Variants in ISL2 observed in about 807,000 individuals in gnomAD.
ISL2 encodes insulin gene enhancer protein ISL-2.
A neutral mutation model predicts 34.6 loss-of-function variants in ISL2; 17 were observed. The observed-to-expected ratio is 0.49, with a 90% CI of 0.34 to 0.74. The LOEUF is 0.74. ISL2 is among the 30% of genes least tolerant of loss of function. The probability of loss-of-function intolerance (pLI) is 0.01; values close to 1 mark genes in which losing one functional copy is unlikely to be tolerated. For missense variants in ISL2, 469 were observed against 515.2 expected, an observed-to-expected ratio of 0.91 and a Z score of 0.87; for synonymous variants, 232 against 225.5, an observed-to-expected ratio of 1.03 and a Z score of -0.26.
rs1286478743 is a variant in ISL2, at chr15:76,341,969, A to G, written c.*134A>G. Reference sequence around the variant, plus strand: ...TATTGTTATTTATGAGAGAGTACCGAGAGACACGGTCTGGACAGCCCAAGG... The same window carrying G: ...TATTGTTATTTATGAGAGAGTACCGGGAGACACGGTCTGGACAGCCCAAGG... On this transcript the variant is annotated 3_prime_UTR_variant, in exon 6 of 6. Transcript: ENST00000290759. 5 of 681,444 alleles carry G rather than the reference A, an allele frequency of 7.3e-6. No homozygotes were observed. Among genetic ancestry groups the G allele is most frequent in the East Asian group, 5.3e-5 (2 of 37,446 alleles). The allele number at this position is 681,444 out of a possible 1,614,324, so 42.2% of individuals were successfully genotyped here.
chr15:76,340,555 A>G lies in ISL2; in HGVS notation c.791A>G (p.Lys264Arg), dbSNP rs2141583531. Residue 264 changes from lysine to arginine, a missense_variant, in exon 4 of 6, where the codon AAG becomes AGG. Around this residue, in one of 3 missense-constraint regions of ISL2, gnomAD observed 169 missense variants for 154.2 expected, o/e 1.10. Transcript: ENST00000290759. ...CTGCAGCAGCAGCAGCACAGCGACA[A>G]GACGGTGAGCAGCCGCTGGGCCGGA... ...KQLQQQQHSD[K>R]TSLQGLTGTP... is the part of the protein sequence containing the mutation. 6.2e-7 allele frequency: 1 copy of G among 1,604,740 alleles called. No individual in the cohort carries two copies. Among genetic ancestry groups the G allele is most frequent in the Non-Finnish European group, 8.5e-7 (1 of 1,173,472 alleles).
chr15:76,339,615 G>A (rs955618864), intron 3 of ISL2: 3 of 985,494 alleles, frequency 3.0e-6, no homozygotes, highest in East Asian at 1.1e-4. Flanking sequence ...CACCTTGGTC[G>A]GTGGGAGGCC....
At chr15:76,341,420 G>T (rs1481426722) in intron 5 of ISL2, 119 bp downstream of exon 5, 4 of 967,106 alleles carry the variant, frequency 4.1e-6, no homozygotes, top group Admixed American at 2.8e-5. Context: ...ACAGCCCTAG[G>T]CGGTGGGGGA....
rs963964640 is a variant in ISL2 at position 76,340,244 on chromosome 15, C to G, written c.512-32C>G. 14 of 1,526,614 alleles carry G rather than the reference C, an allele frequency of 9.2e-6. No homozygotes were observed. The African/African-American group carries it at 1.8e-4, about 19-fold the overall frequency. The allele number at this position is 1,526,614 out of a possible 1,614,324, so 94.6% of individuals were successfully genotyped here. On this transcript the variant is annotated intron_variant, in intron 3 of 5. Transcript: ENST00000290759. ...TCGGGGCGGGTGGGTGGCGGCCCCT[C>G]GCTAACCTCTGGCCTCACCCTGTCC...
Position 76,337,783 on chromosome 15 carries a change from C to T in ISL2, c.64C>T (p.Pro22Ser). The T allele has an allele frequency of 6.3e-7, 1 of 1,590,078 alleles. No homozygotes were observed. Among genetic ancestry groups the T allele is most frequent in the Non-Finnish European group, 8.6e-7 (1 of 1,165,986 alleles). The change falls in exon 2 of 6, where the codon CCC becomes TCC. Residue 22 changes from proline to serine, a missense_variant. Physicochemically the swap from Pro to Ser is moderately conservative, Grantham distance 74 (BLOSUM62 -1). Transcript: ENST00000290759. ...GAMGDHSKKK[P>S]GTAMCVGCGS... ...CCCGCGCCCTTCCCCGGCAGAGAAG[C>T]CCGGGACGGCCATGTGCGTGGGCTG...
At chr15:76,339,806 C>T (rs1167721544) in intron 3 of ISL2, 3 of 996,476 alleles carry the variant, frequency 3.0e-6, no homozygotes, top group African/African-American at 1.7e-5. Context: ...CGTAGGCCCC[C>T]GGCATATTCG....
intron 3 of ISL2, chr15:76,339,518 C>T (rs2040177624): frequency 1.0e-6 from 1 of 985,480 alleles, no homozygotes; most frequent in Non-Finnish European, 1.2e-6. Context: ...TTTCGGGCTT[C>T]AGGGTGCAGG....
Position 76,338,270 on chromosome 15 carries a change from C to T in ISL2, c.267C>T (p.Cys89=). ...CCCGCAGGCTGTTCGGCATCAAGTG[C>T]GCCAAGTGCCAGGTGGGCTTCAGCA... ...RDYVRLFGIK[C]AKCQVGFSSS... is the part of the protein sequence containing the mutation. The change falls in exon 3 of 6, where the codon TGC becomes TGT. Residue 89 remains cysteine (C), a synonymous_variant. Coordinates refer to ENST00000290759, the MANE Select transcript of ISL2 (RefSeq NM_145805.3). 1.3e-6 allele frequency: 2 copies of T among 1,574,942 alleles called. No homozygotes were observed. The highest frequency in any genetic ancestry group is 1.7e-6 in the Non-Finnish European group (2 of 1,166,214).
chr15:76,338,474 C>A lies in ISL2; in HGVS notation c.471C>A (p.Ser157Arg), dbSNP rs771050160. 94 of 1,313,232 alleles carry A rather than the reference C, an allele frequency of 7.2e-5. No homozygotes were observed. Among genetic ancestry groups the A allele is most frequent in the Non-Finnish European group, 8.9e-5 (93 of 1,040,056 alleles). The allele number at this position is 1,313,232 out of a possible 1,614,324, so 81.3% of individuals were successfully genotyped here. The change falls in exon 3 of 6, where the codon AGC becomes AGA. Residue 157 changes from serine (S) to arginine (R), a missense_variant. By Grantham distance (110) the Ser-to-Arg change is moderately radical (BLOSUM62 -1). Coordinates refer to ENST00000290759, the MANE Select transcript of ISL2 (RefSeq NM_145805.3). ...LERAAAGSPR[S>R]PGPLPGARGL... is the part of the protein sequence containing the mutation. ...GCGCCGCGGCCGGCAGCCCGCGCAGCCCCGGCCCGCTTCCCGGCGCCCGCG... is the reference window on the plus strand; with the variant it reads ...GCGCCGCGGCCGGCAGCCCGCGCAGACCCGGCCCGCTTCCCGGCGCCCGCG...
chr15:76,341,586 C>T (rs1369058923), intron 5 of ISL2, 133 bp from the exon 6 acceptor site: 2 of 755,114 alleles, frequency 2.6e-6, no homozygotes, highest in South Asian at 1.6e-5. Flanking sequence ...GACCTGGCCT[C>T]CTTCTCCGCA....
Position 76,336,811 on chromosome 15 carries a change from G to C in ISL2, c.-73G>C. The C allele has an allele frequency of 1.5e-6, 2 of 1,356,630 alleles. No individual in the cohort carries two copies. The highest frequency in any genetic ancestry group is 2.1e-6 in the Non-Finnish European group (2 of 946,838). The allele number at this position is 1,356,630 out of a possible 1,614,324, so 84.0% of individuals were successfully genotyped here. A position where few individuals can be genotyped will look rare whatever the true frequency, so the allele number is the denominator to read the frequency against. ...GGGGCAGTAGGAGTTAGTTAGCAAA[G>C]AGCCGAGGCCGGGCGCGCGACCCTC... is the stretch of plus-strand genomic sequence containing the variant. On this transcript the variant is annotated 5_prime_UTR_variant, in exon 1 of 6. Coordinates refer to ENST00000290759, the MANE Select transcript of ISL2 (RefSeq NM_145805.3).
At position 76,342,195 on chromosome 15, in the gene ISL2, C is replaced by G. The variant is rs555519998; in HGVS notation, c.*360C>G. 3 of 187,408 alleles carry G rather than the reference C, an allele frequency of 1.6e-5. No homozygotes were observed. Among genetic ancestry groups the G allele is most frequent in the African/African-American group, 4.7e-5 (2 of 42,950 alleles). 11.6% of individuals were successfully genotyped at this position (187,408 alleles called of 1,614,324 possible). A position where few individuals can be genotyped will look rare whatever the true frequency, so the allele number is the denominator to read the frequency against. ...GAGCTCGCCCACGCGGACCCCCGCC[C>G]TGCCCCAGCTCAGCGCTCCCTGGCG... On this transcript the variant is annotated 3_prime_UTR_variant, in exon 6 of 6. Transcript: ENST00000290759.
At chr15:76,339,115 C>T (rs778768744) in intron 3 of ISL2, 154 of 985,232 alleles carry the variant, frequency 1.6e-4, no homozygotes, top group Non-Finnish European at 1.7e-4. Context: ...AGCAGCTGCC[C>T]AGAGATGGGG....
intron 1 of ISL2, among the ~76,000 whole-genome samples, chr15:76,337,230 G>GTTTTT (rs11439488): frequency 6.9e-6 from 1 of 145,374 alleles, no homozygotes; most frequent in African/African-American, 2.5e-5. Flanking sequence ...AGGGATGTGG[G>GTTTTT]TTTTTTTTTT....
intron 1 of ISL2, 37 bp downstream of exon 1, chr15:76,336,978 G>A: frequency 6.4e-7 from 1 of 1,559,086 alleles, no homozygotes; most frequent in South Asian, 1.1e-5. Context: ...TGGGGTGTGT[G>A]TGTATGCTTA....
chr15:76,337,202 G>A (rs1251585072), intron 1 of ISL2, among the ~76,000 whole-genome samples: 2 of 150,140 alleles, frequency 1.3e-5, no homozygotes, highest in East Asian at 1.9e-4. Flanking sequence ...TTTGCGCAAA[G>A]GCAATTAGGT....
intron 5 of ISL2, 144 bp downstream of exon 5, chr15:76,341,445 G>C: frequency 2.4e-6 from 2 of 827,942 alleles, no homozygotes; most frequent in Non-Finnish European, 3.7e-6. Context: ...GAACAGTGGC[G>C]GGCTCTGAAA....
rs975284535 is a variant in ISL2, at chr15:76,341,166, G to A, written c.828G>A (p.Val276=). 4 of 1,611,338 alleles carry A rather than the reference G, an allele frequency of 2.5e-6. No individual in the cohort carries two copies. Among genetic ancestry groups the A allele is most frequent in the Admixed American group, 3.3e-5 (2 of 59,920 alleles). ...SLQGLTGTPL[V]AGSPIRHENA... Reference sequence around the variant, plus strand: ...AGGGACTGACTGGGACGCCCCTGGTGGCGGGCAGTCCCATCCGCCATGAGA... The same window carrying A: ...AGGGACTGACTGGGACGCCCCTGGTAGCGGGCAGTCCCATCCGCCATGAGA... Residue 276 remains valine (V), a synonymous_variant, in exon 5 of 6, where the codon GTG becomes GTA. Coordinates refer to ENST00000290759, the MANE Select transcript of ISL2 (RefSeq NM_145805.3).
chr15:76,337,498 G>C, intron 1 of ISL2: 1 of 437,332 alleles, frequency 2.3e-6, no homozygotes, highest in Admixed American at 4.2e-5. Flanking sequence ...TCGTGTTTGC[G>C]TTTAGTTTCA....
Sources: gnomAD v4.1 joint callset for allele counts (sites outside exome capture counted in the v4.1 genomes callset) on GRCh38, gnomAD v4.1.1 for gene constraint, gnomAD v4.1.1 regional missense constraint, MANE v1.5 for transcripts, NCBI Gene and HGNC (gene_info 2026-07-23, HGNC 2026-07-21) for gene names.